Variants in BUD13 observed in about 807,000 individuals in gnomAD.
BUD13 encodes the protein BUD13 homolog.
BUD13 carries 47 observed loss-of-function variants against 62.5 expected under a neutral mutation model. That is an observed-to-expected ratio of 0.75 (90% CI 0.60 to 0.96). The LOEUF (loss-of-function observed/expected upper bound fraction) is 0.96, where lower values mean the gene tolerates loss of function less well. Ranked by LOEUF, BUD13 falls within the 40% of genes least tolerant of loss-of-function variation. The pLI, the probability that BUD13 is intolerant of heterozygous loss-of-function variation, is 0.00. For synonymous variants in BUD13, 293 were observed against 280.1 expected (o/e 1.05, Z -0.46); for missense variants, 821 against 790.9 (o/e 1.04, Z -0.46).
intron 9 of BUD13, among the ~76,000 whole-genome samples, chr11:116,753,016 G>A (rs759579218): frequency 6.6e-6 from 1 of 152,158 alleles, no homozygotes; most frequent in Non-Finnish European, 1.5e-5. Context: ...ACATTGCAGA[G>A]TAACCCGAAC....
intron 9 of BUD13, among the ~76,000 whole-genome samples, chr11:116,752,042 C>T (rs1940245039): frequency 6.6e-6 from 1 of 152,184 alleles, no homozygotes; most frequent in Non-Finnish European, 1.5e-5. Flanking sequence ...TTCCCGGGTT[C>T]ACGCCATTCT....
chr11:116,768,710 T>C (rs931786080), intron 2 of BUD13, among the ~76,000 whole-genome samples: 4 of 152,116 alleles, frequency 2.6e-5, no homozygotes, highest in Non-Finnish European at 5.9e-5. Flanking sequence ...TTTTAGAATT[T>C]TGCTGGGAAT....
At position 116,762,600 on chromosome 11, in the gene BUD13, T is replaced by C. The variant is rs1444166384; in HGVS notation, c.989A>G (p.Lys330Arg). 7 of 1,612,968 alleles carry C rather than the reference T, an allele frequency of 4.3e-6. No homozygotes were observed. The highest frequency in any genetic ancestry group is 2.2e-5 in the East Asian group (1 of 44,872). ...YDPDISPPRK[K>R]QAKSHFGDKK... ...GTCTCCAAAATGGGATTTTGCTTGC[T>C]TTTTTCGTGGAGGAGAGATGTCAGG... is the stretch of plus-strand genomic sequence containing the variant. Residue 330 changes from lysine (K) to arginine (R), a missense_variant, in exon 4 of 10, where the codon AAG (lysine) becomes AGG (arginine). Physicochemically the swap from Lys to Arg is conservative, Grantham distance 26 (BLOSUM62 2). Coordinates refer to ENST00000260210, the MANE Select transcript of BUD13 (RefSeq NM_032725.4).
At chr11:116,757,716 G>A in intron 8 of BUD13, 50 bp downstream of exon 8, 2 of 1,541,012 alleles carry the variant, frequency 1.3e-6, no homozygotes. Flanking sequence ...GCATCCTAAT[G>A]ATTCTCTCTT....
At chr11:116,766,092 A>C (rs1315041687) in intron 2 of BUD13, among the ~76,000 whole-genome samples, 2 of 152,338 alleles carry the variant, frequency 1.3e-5, no homozygotes, top group Admixed American at 1.3e-4. Flanking sequence ...TTTTTCAAAA[A>C]TGTTAGAAAG....
At chr11:116,758,242 T>C (rs1001691927) in intron 7 of BUD13, 27 bp downstream of exon 7, 1 of 1,612,954 alleles carries the variant, frequency 6.2e-7, no homozygotes. Flanking sequence ...ACTGCCATCT[T>C]GTTTACCCTT....
intron 3 of BUD13, among the ~76,000 whole-genome samples, chr11:116,764,182 G>GC (rs1940487747): frequency 6.6e-6 from 1 of 152,190 alleles, no homozygotes. Flanking sequence ...AATATCTATA[G>GC]CAACTGGAAC....
At chr11:116,770,072 AAG>A in intron 2 of BUD13, 55 bp downstream of exon 2, 2 of 1,390,992 alleles carry the variant, frequency 1.4e-6, no homozygotes, top group Non-Finnish European at 2.0e-6. Flanking sequence ...AAAAAAAAAA[AAG>A]GAAATTGAGA....
chr11:116,752,256 T>G (rs1008242344), intron 9 of BUD13, among the ~76,000 whole-genome samples: 3 of 152,146 alleles, frequency 2.0e-5, no homozygotes, highest in African/African-American at 7.2e-5. Context: ...CCGTTTCTCT[T>G]TCAATTAAGA....
At chr11:116,751,750 G>A (rs1054321251) in intron 9 of BUD13, among the ~76,000 whole-genome samples, 4 of 152,162 alleles carry the variant, frequency 2.6e-5, no homozygotes, top group African/African-American at 4.8e-5. Flanking sequence ...GGTCTTAAGA[G>A]AGTTACACTA....
chr11:116,748,980 C>CA lies in BUD13; in HGVS notation c.1767-406dup, dbSNP rs58988682. Among the ~76,000 whole-genome samples the CA allele has an allele frequency of 6.5e-3, 562 of 86,716 alleles. 7 individuals carry two copies. The highest frequency in any genetic ancestry group is 0.01 in the African/African-American group (229 of 22,700). The allele number at this position is 86,716 out of a possible 152,430, so 56.9% of individuals were successfully genotyped here. A position where few individuals can be genotyped will look rare whatever the true frequency, so the allele number is the denominator to read the frequency against. Reference sequence around the variant, plus strand: ...AGCCTGGGTGACAGAGACTCTGTCTCAAAAAAAAAAAAAAAAAAAAAGAAA... The same window carrying CA: ...AGCCTGGGTGACAGAGACTCTGTCTCAAAAAAAAAAAAAAAAAAAAAAGAAA... On this transcript the variant is annotated intron_variant, in intron 9 of 9. Coordinates refer to ENST00000260210, the MANE Select transcript of BUD13 (RefSeq NM_032725.4).
intron 6 of BUD13, 28 bp from the exon 7 acceptor site, chr11:116,758,435 C>G (rs762628773): frequency 3.1e-6 from 5 of 1,611,476 alleles, no homozygotes; most frequent in Non-Finnish European, 1.7e-6. Context: ...ACTCAAATAT[C>G]AGGATCAAAA....
At chr11:116,766,776 C>G (rs1488118530) in intron 2 of BUD13, among the ~76,000 whole-genome samples, 1 of 152,198 alleles carries the variant, frequency 6.6e-6, no homozygotes, top group African/African-American at 2.4e-5. Flanking sequence ...TGGTGGTGAT[C>G]TTGCAGTTAC....
Position 116,762,589 on chromosome 11 carries a change from A to AT in BUD13, c.999dup (p.Ser334IlefsTer10), listed in dbSNP as rs769620216. ...AGCTGCTTCTTGTCTCCAAAATGGG[A>AT]TTTTGCTTGCTTTTTTCGTGGAGGA... is the stretch of plus-strand genomic sequence containing the variant. On this transcript the variant is annotated frameshift_variant, in exon 4 of 10. Transcript: ENST00000260210. LOFTEE classifies it high-confidence loss of function. 2 of 1,612,508 alleles carry AT rather than the reference A, an allele frequency of 1.2e-6. No homozygotes were observed. Among genetic ancestry groups the AT allele is most frequent in the Non-Finnish European group, 1.7e-6 (2 of 1,179,470 alleles).
chr11:116,748,424 A>C lies in BUD13; in HGVS notation c.*58T>G. 3 of 1,457,958 alleles carry C rather than the reference A, an allele frequency of 2.1e-6. No homozygotes were observed. Among genetic ancestry groups the C allele is most frequent in the Non-Finnish European group, 2.9e-6 (3 of 1,038,874 alleles). 90.3% of individuals were successfully genotyped at this position (1,457,958 alleles called of 1,614,324 possible). On this transcript the variant is annotated 3_prime_UTR_variant, in exon 10 of 10. Transcript: ENST00000260210. Reference sequence around the variant, plus strand: ...TAGCACAGACAACTGTTACCACTGGATATCTCGCTGCCTATGCCCACTACC... The same window carrying C: ...TAGCACAGACAACTGTTACCACTGGCTATCTCGCTGCCTATGCCCACTACC...
At chr11:116,758,132 G>T in intron 7 of BUD13, 137 bp downstream of exon 7, 1 of 1,432,880 alleles carries the variant, frequency 7.0e-7, no homozygotes, top group Non-Finnish European at 9.5e-7. Context: ...ATCCTAGGAA[G>T]AAGATTCAGC....
At chr11:116,767,920 G>A (rs1272291944) in intron 2 of BUD13, among the ~76,000 whole-genome samples, 2 of 150,962 alleles carry the variant, frequency 1.3e-5, no homozygotes, top group Non-Finnish European at 2.9e-5. Flanking sequence ...CTACAATGGG[G>A]CATGATCACA....
intron 4 of BUD13, 115 bp from the exon 5 acceptor site, chr11:116,761,067 ATTAT>A: frequency 3.5e-6 from 3 of 848,012 alleles, no homozygotes; most frequent in African/African-American, 1.8e-5. Context: ...TTACATTATT[ATTAT>A]TTTTTTTTTT....
chr11:116,766,867 G>A (rs913434875), intron 2 of BUD13, among the ~76,000 whole-genome samples: 1 of 152,134 alleles, frequency 6.6e-6, no homozygotes, highest in African/African-American at 2.4e-5. Context: ...TTAGGTTTTT[G>A]GGCCATCATA....
Sources: gnomAD v4.1 joint callset for allele counts (sites outside exome capture counted in the v4.1 genomes callset) on GRCh38, gnomAD v4.1.1 for gene constraint, MANE v1.5 for transcripts, NCBI Gene and HGNC (gene_info 2026-07-23, HGNC 2026-07-21) for gene names.